The following TTC28 variants were observed in gnomAD, a reference collection of about 807,000 sequenced individuals.
The protein encoded by TTC28 is tetratricopeptide repeat protein 28.
TTC28 carries 61 observed loss-of-function variants against 198.0 expected under a neutral mutation model. That is an observed-to-expected ratio of 0.31 (90% CI 0.25 to 0.38). The LOEUF (loss-of-function observed/expected upper bound fraction) is 0.38. Among genes scored for constraint, TTC28 ranks in the 10% least tolerant of loss-of-function variants. The pLI, the probability that TTC28 is intolerant of heterozygous loss-of-function variation, is 1.00. For missense variants in TTC28, 2,678 were observed against 3,164.0 expected, an observed-to-expected ratio of 0.85 and a Z score of 3.69; for synonymous variants, 1,171 against 1,297.8, an observed-to-expected ratio of 0.90 and a Z score of 2.10.
At chr22:28,368,740 A>G (rs2046284899) in intron 2 of TTC28, among the ~76,000 whole-genome samples, 2 of 152,150 alleles carry the variant, frequency 1.3e-5, no homozygotes. Flanking sequence ...TAGCATTTCT[A>G]TATGCCAACA....
chr22:28,189,730 A>C (rs1461647297), intron 5 of TTC28, among the ~76,000 whole-genome samples: 1 of 152,212 alleles, frequency 6.6e-6, no homozygotes, highest in Non-Finnish European at 1.5e-5. Context: ...ATGGCATTCC[A>C]ATCTAGAATT....
In TTC28 at chr22:28,294,370, A is replaced by T. The variant is rs561675321; in HGVS notation, c.933+1828T>A. Among the ~76,000 whole-genome samples the T allele has an allele frequency of 5.5e-4, 83 of 152,288 alleles. No individual in the cohort carries two copies. The South Asian group carries it at 0.016, about 29-fold the overall frequency. On this transcript the variant is annotated intron_variant, in intron 5 of 22. Coordinates refer to ENST00000397906, the MANE Select transcript of TTC28 (RefSeq NM_001145418.2). ...TAAATTACACTATTGAGAAGAGGGAAGGCAGAAAAATTTCATTCCTCCTGT... is the reference window on the plus strand; with the variant it reads ...TAAATTACACTATTGAGAAGAGGGATGGCAGAAAAATTTCATTCCTCCTGT...
chr22:28,271,450 T>C (rs1932064960), intron 5 of TTC28, among the ~76,000 whole-genome samples: 1 of 152,170 alleles, frequency 6.6e-6, no homozygotes, highest in Admixed American at 6.5e-5. Flanking sequence ...CCTTTACATG[T>C]AGTTGTATGG....
intron 2 of TTC28, among the ~76,000 whole-genome samples, chr22:28,311,488 G>C (rs1178297037): frequency 6.6e-6 from 1 of 152,080 alleles, no homozygotes; most frequent in Non-Finnish European, 1.5e-5. Context: ...GGTTTTAAAA[G>C]AAAAACTGAT....
At chr22:28,087,360 T>C (rs9712839) in intron 12 of TTC28, among the ~76,000 whole-genome samples, 12,188 of 152,088 alleles carry the variant, frequency 0.08, 552 homozygotes, top group African/African-American at 0.091. Context: ...GTTCAATATA[T>C]GCAAATCAAT....
At chr22:28,457,429 T>C (rs984811210) in intron 2 of TTC28, among the ~76,000 whole-genome samples, 3 of 152,190 alleles carry the variant, frequency 2.0e-5, no homozygotes, top group Non-Finnish European at 2.9e-5. Context: ...TTTTAAAGTC[T>C]AATCTTAAAA....
At chr22:28,254,334 A>G (rs990149441) in intron 5 of TTC28, among the ~76,000 whole-genome samples, 5 of 152,162 alleles carry the variant, frequency 3.3e-5, no homozygotes, top group African/African-American at 1.2e-4. Context: ...ATGGAAAAGA[A>G]CATAAACTTG....
At chr22:28,374,501 T>C (rs2146001589) in intron 2 of TTC28, among the ~76,000 whole-genome samples, 1 of 152,260 alleles carries the variant, frequency 6.6e-6, no homozygotes, top group South Asian at 2.1e-4. Flanking sequence ...GGAAGCAATA[T>C]GGGTAGTGTA....
intron 21 of TTC28, chr22:27,985,569 C>T (rs1937182006): frequency 4.4e-6 from 2 of 449,986 alleles, no homozygotes; most frequent in Non-Finnish European, 8.3e-6. Context: ...TCTACGCAGC[C>T]CCCATTTGGC....
intron 2 of TTC28, among the ~76,000 whole-genome samples, chr22:28,521,935 C>G (rs1362801171): frequency 6.6e-6 from 1 of 152,162 alleles, no homozygotes; most frequent in African/African-American, 2.4e-5. Flanking sequence ...TAGTCCTTAG[C>G]TCAAGGCTCT....
At chr22:28,388,964 T>C (rs1284468528) in intron 2 of TTC28, among the ~76,000 whole-genome samples, 1 of 152,172 alleles carries the variant, frequency 6.6e-6, no homozygotes, top group Non-Finnish European at 1.5e-5. Context: ...TTCAGTATGA[T>C]ATTGGCTGTG....
chr22:28,629,637 G>A lies in TTC28; in HGVS notation c.296C>T (p.Ser99Phe). 1.3e-6 allele frequency: 2 copies of A among 1,551,680 alleles called. No individual in the cohort carries two copies. The highest frequency in any genetic ancestry group is 1.7e-6 in the Non-Finnish European group (2 of 1,146,984). The change falls in exon 2 of 23, where the codon TCT (serine) becomes TTT (phenylalanine). Residue 99 changes from serine (S) to phenylalanine (F), a missense_variant. This residue lies in a region of TTC28 where 176 missense variants were observed against 197.9 expected (regional missense o/e 0.89). Coordinates refer to ENST00000397906, the MANE Select transcript of TTC28 (RefSeq NM_001145418.2). ...CTGCTGGATTTTCATGTAGGCTGCA[G>A]ATCTATTGCTGTATAAGATGCAGTT... ...PQNCILYSNR[S>F]AAYMKIQQYD...
At chr22:28,110,780 A>T (rs1186345490) in intron 6 of TTC28, among the ~76,000 whole-genome samples, 1 of 151,912 alleles carries the variant, frequency 6.6e-6, no homozygotes, top group Admixed American at 6.6e-5. Flanking sequence ...ACCAAAAATT[A>T]AAAAATTAGC....
intron 2 of TTC28, among the ~76,000 whole-genome samples, chr22:28,620,349 CA>C (rs34680067): frequency 3.7e-4 from 53 of 142,510 alleles, no homozygotes; most frequent in South Asian, 8.8e-4. Flanking sequence ...ATCTCTGTCT[CA>C]AAAAAAAAAA....
chr22:28,334,927 G>C (rs113870945), intron 2 of TTC28, among the ~76,000 whole-genome samples: 4 of 151,922 alleles, frequency 2.6e-5, no homozygotes, highest in African/African-American at 4.8e-5. Context: ...GAAGTCCTTG[G>C]CCATGCCTAT....
chr22:27,985,109 C>T, intron 22 of TTC28, 140 bp downstream of exon 22: 1 of 617,228 alleles, frequency 1.6e-6, no homozygotes, highest in Middle Eastern at 4.5e-4. Flanking sequence ...CTGAATAGTC[C>T]CTAACTGTTC....
intron 5 of TTC28, among the ~76,000 whole-genome samples, chr22:28,281,570 G>C (rs2044583274): frequency 6.6e-6 from 1 of 151,808 alleles, no homozygotes; most frequent in Non-Finnish European, 1.5e-5. Context: ...GTTATCTTGG[G>C]GCTGGTTTCA....
At chr22:28,235,724 T>C (rs1448395937) in intron 5 of TTC28, among the ~76,000 whole-genome samples, 2 of 152,198 alleles carry the variant, frequency 1.3e-5, no homozygotes, top group African/African-American at 4.8e-5. Context: ...GAAAACTGAA[T>C]AGTCTTTGGG....
At chr22:28,594,133 T>G (rs939759884) in intron 2 of TTC28, among the ~76,000 whole-genome samples, 1 of 152,092 alleles carries the variant, frequency 6.6e-6, no homozygotes, top group African/African-American at 2.4e-5. Flanking sequence ...CTTAGAACTT[T>G]GAAGACAAAC....
Sources: allele counts gnomAD v4.1 joint callset (sites outside exome capture counted in the v4.1 genomes callset), GRCh38; gene constraint gnomAD v4.1.1; regional missense constraint gnomAD v4.1.1; transcripts MANE v1.5; gene names NCBI Gene and HGNC (gene_info 2026-07-23, HGNC 2026-07-21).